Variants in UNC13C observed in about 807,000 individuals in gnomAD.
UNC13C encodes protein unc-13 homolog C.
In UNC13C, 174 loss-of-function variants were observed where a neutral mutation model predicts 245.4. The observed-to-expected ratio is 0.71, with a 90% CI of 0.63 to 0.80. The LOEUF is 0.80. Ranked by LOEUF, UNC13C falls within the 30% of genes least tolerant of loss-of-function variation. The pLI, the probability that UNC13C is intolerant of heterozygous loss-of-function variation, is 0.00. For missense variants in UNC13C, 2,829 were observed against 2,602.9 expected, an observed-to-expected ratio of 1.09 and a Z score of -1.89; for synonymous variants, 992 against 895.1, an observed-to-expected ratio of 1.11 and a Z score of -1.93.
rs79272202 is a variant in UNC13C, at chr15:54,122,039, G to A, written c.2984-20979G>A. Among the ~76,000 whole-genome samples the A allele has an allele frequency of 7.9e-5, 12 of 152,080 alleles. No homozygotes were observed. In the East Asian group the frequency reaches 2.3e-3, roughly 29 times the overall value. ...TATTGATTTTAATAGGCTGTCTATA[G>A]GTTGCTTTGGACTTTTTAATGTAGC... On this transcript the variant is annotated intron_variant, in intron 2 of 32. Transcript: ENST00000260323.
At chr15:54,521,170 T>G (rs192906171) in intron 24 of UNC13C, among the ~76,000 whole-genome samples, 1 of 152,228 alleles carries the variant, frequency 6.6e-6, no homozygotes, top group Non-Finnish European at 1.5e-5. Flanking sequence ...TATTTATTAA[T>G]GTTTTAATGC....
chr15:53,919,749 A>G, the UNC13C span, among the ~76,000 whole-genome samples: 2 of 152,188 alleles, frequency 1.3e-5, no homozygotes, highest in African/African-American at 4.8e-5. Flanking sequence ...GCATGACCCA[A>G]TTGTTCTTTA....
chr15:54,563,946 A>G (rs549670903), intron 29 of UNC13C, among the ~76,000 whole-genome samples: 31 of 152,054 alleles, frequency 2.0e-4, no homozygotes, highest in Non-Finnish European at 3.8e-4. Flanking sequence ...CCAGTAAGGT[A>G]ACCAGACTGG....
intron 4 of UNC13C, among the ~76,000 whole-genome samples, chr15:54,172,382 C>A (rs1278711531): frequency 3.3e-5 from 5 of 151,716 alleles, no homozygotes; most frequent in Non-Finnish European, 1.5e-5. Context: ...AATATACACA[C>A]CTACTAGGTA....
At chr15:54,596,858 G>A (rs891820773) in intron 30 of UNC13C, among the ~76,000 whole-genome samples, 1 of 152,104 alleles carries the variant, frequency 6.6e-6, no homozygotes, top group African/African-American at 2.4e-5. Context: ...AACTCCCAGA[G>A]GTCTCACCAG....
chr15:53,877,864 A>G, the UNC13C span, among the ~76,000 whole-genome samples: 1 of 152,116 alleles, frequency 6.6e-6, no homozygotes, highest in Non-Finnish European at 1.5e-5. Flanking sequence ...CCTCGTAACT[A>G]TGGGGATTTC....
rs143330449 is a variant in UNC13C at position 54,479,140 on chromosome 15, C to G, written c.4934-15468C>G. Among the ~76,000 whole-genome samples the G allele has an allele frequency of 3.2e-3, 481 of 152,148 alleles. 1 individual carries two copies. The highest frequency in any genetic ancestry group is 5.0e-3 in the Non-Finnish European group (339 of 68,000). On this transcript the variant is annotated intron_variant, in intron 19 of 32. Coordinates refer to ENST00000260323, the MANE Select transcript of UNC13C (RefSeq NM_001080534.3). ...TGAATATATATGCTGTCCAGTGCTT[C>G]AAGTGCTCTGCAGTGCTTCAATAAT...
rs79135227 is a variant in UNC13C, at chr15:54,512,748, C to G, written c.5457+918C>G. Among the ~76,000 whole-genome samples, 68 of 152,218 alleles carry G rather than the reference C, an allele frequency of 4.5e-4. 1 individual carries two copies. In the East Asian group the frequency reaches 0.011, roughly 25 times the overall value. On this transcript the variant is annotated intron_variant, in intron 24 of 32. Coordinates refer to ENST00000260323, the MANE Select transcript of UNC13C (RefSeq NM_001080534.3). ...CCCGTGGGAAAGTTTATGAGATGTGCGTAATGCTAGGATGCATTTCAAAGT... is the reference window on the plus strand; with the variant it reads ...CCCGTGGGAAAGTTTATGAGATGTGGGTAATGCTAGGATGCATTTCAAAGT...
At chr15:54,298,070 T>G (rs1482908222) in intron 12 of UNC13C, 144 bp downstream of exon 12, 1 of 625,170 alleles carries the variant, frequency 1.6e-6, no homozygotes, top group African/African-American at 1.9e-5. Context: ...GGTGATATAC[T>G]AAGATATCAT....
Position 54,047,064 on chromosome 15 carries a change from T to C in UNC13C, c.2983+31178T>C, listed in dbSNP as rs143087484. On this transcript the variant is annotated intron_variant, in intron 2 of 32. Transcript: ENST00000260323. ...GGTTCACATAAGATTTTCTAAGCGG[T>C]ATTTATTTTTTAAAAAGTTACGTGG... Among the ~76,000 whole-genome samples the C allele has an allele frequency of 1.7e-4, 26 of 152,096 alleles. No homozygotes were observed. In the East Asian group the frequency reaches 4.8e-3, roughly 28 times the overall value.
At chr15:54,138,985 G>A (rs186455644) in intron 2 of UNC13C, among the ~76,000 whole-genome samples, 446 of 4,224 alleles carry the variant, frequency 0.11, 27 homozygotes, top group East Asian at 0.48. Flanking sequence ...TTTTGAGACG[G>A]AGTCTCGCTT....
In UNC13C at chr15:54,343,718, A is replaced by G. The variant is rs553143199; in HGVS notation, c.4713+5229A>G. Among the ~76,000 whole-genome samples the G allele has an allele frequency of 2.6e-5, 4 of 152,372 alleles. No homozygotes were observed. The East Asian group carries it at 7.7e-4, about 29-fold the overall frequency. ...AAGAATGGTAAGGCAGACTATTCAA[A>G]GAGTACTATTACAATAGTTACACAG... is the stretch of plus-strand genomic sequence containing the variant. On this transcript the variant is annotated intron_variant, in intron 17 of 32. Transcript: ENST00000260323.
Position 54,465,429 on chromosome 15 carries a change from C to A in UNC13C, c.4934-29179C>A, listed in dbSNP as rs140317892. On this transcript the variant is annotated intron_variant, in intron 19 of 32. Coordinates refer to ENST00000260323, the MANE Select transcript of UNC13C (RefSeq NM_001080534.3). ...TAGATATGATAAAACAAATAAGGAT[C>A]TGAGTTATAGACTGCTTATGGGGAA... 4.5e-3 allele frequency among the ~76,000 whole-genome samples: 680 copies of A among 152,076 alleles called. 2 individuals are homozygous for A. The highest frequency in any genetic ancestry group is 0.015 in the African/African-American group (635 of 41,538).
intron 4 of UNC13C, among the ~76,000 whole-genome samples, chr15:54,230,859 A>G (rs192022250): frequency 5.3e-5 from 8 of 152,050 alleles, no homozygotes; most frequent in Non-Finnish European, 1.2e-4. Context: ...TACCCCATAA[A>G]TGTGTATAGT....
chr15:54,331,133 G>A (rs1201711259), intron 14 of UNC13C, among the ~76,000 whole-genome samples: 3 of 151,964 alleles, frequency 2.0e-5, no homozygotes, highest in Non-Finnish European at 2.9e-5. Flanking sequence ...TTTCATTTTT[G>A]TCAATATCCT....
intron 19 of UNC13C, among the ~76,000 whole-genome samples, chr15:54,492,474 A>G (rs1333933776): frequency 6.6e-6 from 1 of 152,194 alleles, no homozygotes; most frequent in Non-Finnish European, 1.5e-5. Context: ...AAGAAGTATC[A>G]GGCTTCATGT....
rs150153340 is a variant in UNC13C at position 54,366,777 on chromosome 15, C to T, written c.4714-26271C>T. 3.3e-5 allele frequency among the ~76,000 whole-genome samples: 5 copies of T among 152,144 alleles called. No individual in the cohort carries two copies. The East Asian group carries it at 5.8e-4, about 18-fold the overall frequency. On this transcript the variant is annotated intron_variant, in intron 17 of 32. Transcript: ENST00000260323. ...AATGAATGGTGTTTTGTTAATGCAG[C>T]GTTTTTCTTCATTTTTCTGAAAAAT...
chr15:54,501,444 A>G (rs1894207848), intron 22 of UNC13C, among the ~76,000 whole-genome samples: 3 of 152,168 alleles, frequency 2.0e-5, no homozygotes, highest in Non-Finnish European at 4.4e-5. Context: ...TTATGAATTT[A>G]GTTTTCATAT....
chr15:54,310,520 A>ATTTGAGTTGGC (rs2037840394), intron 13 of UNC13C, among the ~76,000 whole-genome samples: 1 of 151,834 alleles, frequency 6.6e-6, no homozygotes, highest in South Asian at 2.1e-4. Flanking sequence ...CACAGCCAAC[A>ATTTGAGTTGGC]TGTTATTTAT....
Sources: allele counts gnomAD v4.1 joint callset (sites outside exome capture counted in the v4.1 genomes callset), GRCh38; gene constraint gnomAD v4.1.1; transcripts MANE v1.5; gene names NCBI Gene and HGNC (gene_info 2026-07-23, HGNC 2026-07-21).